Variants in ADGRV1 observed in about 807,000 individuals in gnomAD.
The protein encoded by ADGRV1 is G-protein coupled receptor 98.
ADGRV1 carries 359 observed loss-of-function variants against 596.2 expected under a neutral mutation model. The observed-to-expected ratio is 0.60, with a 90% confidence interval of 0.55 to 0.66. The LOEUF (loss-of-function observed/expected upper bound fraction) is 0.66, where lower values mean the gene tolerates loss of function less well. Ranked by LOEUF, ADGRV1 falls within the 30% of genes least tolerant of loss-of-function variation. The probability of loss-of-function intolerance (pLI) is 0.00; values close to 1 mark genes in which losing one functional copy is unlikely to be tolerated. For synonymous variants in ADGRV1, 2,681 were observed against 2,679.2 expected (o/e 1.00, Z -0.02); for missense variants, 7,274 against 7,575.6 (o/e 0.96, Z 1.48).
At chr5:91,088,681 A>T (rs1790106202) in intron 86 of ADGRV1, among the ~76,000 whole-genome samples, 2 of 152,168 alleles carry the variant, frequency 1.3e-5, no homozygotes, top group African/African-American at 4.8e-5. Flanking sequence ...CCTGGGGCAA[A>T]AAGAAGCTCT....
At chr5:91,133,096 T>C (rs1794345936) in intron 87 of ADGRV1, among the ~76,000 whole-genome samples, 2 of 152,218 alleles carry the variant, frequency 1.3e-5, no homozygotes, top group South Asian at 2.1e-4. Flanking sequence ...GAAGGTGTGA[T>C]ATCATGGTGT....
intron 84 of ADGRV1, among the ~76,000 whole-genome samples, chr5:90,970,078 T>C (rs532246557): frequency 6.6e-6 from 1 of 152,260 alleles, no homozygotes; most frequent in South Asian, 2.1e-4. Flanking sequence ...GGAGATTATA[T>C]CCCGTGCCTG....
intron 85 of ADGRV1, among the ~76,000 whole-genome samples, chr5:91,019,457 A>T (rs1174071362): frequency 6.6e-6 from 1 of 151,984 alleles, no homozygotes. Context: ...ATACTATTTG[A>T]TGAGTCTGTT....
rs373471492 is a variant in ADGRV1 at position 90,651,561 on chromosome 5, T to A, written c.3290-43T>A. 2.5e-5 allele frequency: 35 copies of A among 1,383,842 alleles called. No individual in the cohort carries two copies. The African/African-American group carries it at 4.8e-4, about 19-fold the overall frequency. 85.7% of individuals were successfully genotyped at this position (1,383,842 alleles called of 1,614,324 possible). A position where few individuals can be genotyped will look rare whatever the true frequency, so the allele number is the denominator to read the frequency against. ...TAAAAGTATAAATTTTACAGCAAGTTAGCTACTTCTTTGTTATTTTGTCTT... is the reference window on the plus strand; with the variant it reads ...TAAAAGTATAAATTTTACAGCAAGTAAGCTACTTCTTTGTTATTTTGTCTT... On this transcript the variant is annotated intron_variant, in intron 17 of 89. Coordinates refer to ENST00000405460, the MANE Select transcript of ADGRV1 (RefSeq NM_032119.4).
At chr5:90,732,140 A>G (rs1752631253) in intron 50 of ADGRV1, among the ~76,000 whole-genome samples, 1 of 152,158 alleles carries the variant, frequency 6.6e-6, no homozygotes, top group Non-Finnish European at 1.5e-5. Context: ...AGCTAGGACT[A>G]CAGGCATGCT....
chr5:91,143,490 G>A (rs1040477347), intron 87 of ADGRV1, among the ~76,000 whole-genome samples: 1 of 152,296 alleles, frequency 6.6e-6, no homozygotes, highest in African/African-American at 2.4e-5. Context: ...GCAGCTGGTC[G>A]TCCCTACGTC....
intron 83 of ADGRV1, among the ~76,000 whole-genome samples, chr5:90,926,627 G>C (rs1435820640): frequency 6.6e-6 from 1 of 151,360 alleles, no homozygotes; most frequent in Non-Finnish European, 1.5e-5. Flanking sequence ...TTGTGTCTCT[G>C]TTTCCTTCAG....
chr5:91,069,918 A>G (rs556485201), intron 85 of ADGRV1, among the ~76,000 whole-genome samples: 1 of 137,796 alleles, frequency 7.3e-6, no homozygotes, highest in African/African-American at 2.6e-5. Flanking sequence ...CATAGAATAC[A>G]ATGTAGCCAC....
chr5:91,097,536 G>A (rs1790979227), intron 86 of ADGRV1, among the ~76,000 whole-genome samples: 1 of 152,152 alleles, frequency 6.6e-6, no homozygotes, highest in African/African-American at 2.4e-5. Context: ...ATGAATATTG[G>A]TGTGCAAATA....
chr5:90,771,090 TCTCTTA>T (rs1757645917), intron 59 of ADGRV1, among the ~76,000 whole-genome samples: 1 of 152,204 alleles, frequency 6.6e-6, no homozygotes, highest in Non-Finnish European at 1.5e-5. Context: ...TGTTTATAGT[TCTCTTA>T]CATTTTTTAT....
intron 87 of ADGRV1, among the ~76,000 whole-genome samples, chr5:91,119,639 T>G (rs1033992709): frequency 6.6e-6 from 1 of 152,254 alleles, no homozygotes; most frequent in African/African-American, 2.4e-5. Flanking sequence ...AGAACTTTTC[T>G]TATCTTGACT....
intron 77 of ADGRV1, among the ~76,000 whole-genome samples, chr5:90,835,054 C>T (rs533303355): frequency 4.0e-5 from 6 of 151,504 alleles, no homozygotes; most frequent in Admixed American, 6.6e-5. Flanking sequence ...AATTGTTTTG[C>T]GATGTCATGT....
Position 91,091,984 on chromosome 5 carries a change from G to A in ADGRV1, c.18311-10235G>A, listed in dbSNP as rs1055214734. 3.9e-5 allele frequency among the ~76,000 whole-genome samples: 6 copies of A among 152,270 alleles called. No homozygotes were observed. In the South Asian group the frequency reaches 8.3e-4, roughly 21 times the overall value. The stretch of plus-strand genomic sequence containing the variant: ...AGATATCTGGGCTTCCTTTAACCCA[G>A]TCAAGTTGACCCATAAAAGTAACCA... On this transcript the variant is annotated intron_variant, in intron 86 of 89. Transcript: ENST00000405460.
At chr5:90,702,661 T>G (rs567530383) in intron 34 of ADGRV1, among the ~76,000 whole-genome samples, 1 of 151,948 alleles carries the variant, frequency 6.6e-6, no homozygotes, top group Admixed American at 6.5e-5. Context: ...TTCTACTTTT[T>G]AAAAAATGTT....
chr5:91,126,057 T>A (rs1212536560), intron 87 of ADGRV1, among the ~76,000 whole-genome samples: 6 of 152,228 alleles, frequency 3.9e-5, no homozygotes, highest in Admixed American at 2.0e-4. Flanking sequence ...TTGCATTCCA[T>A]ATTTTCACTC....
chr5:90,873,722 G>A (rs1458478953), intron 83 of ADGRV1, among the ~76,000 whole-genome samples: 1 of 151,970 alleles, frequency 6.6e-6, no homozygotes, highest in Middle Eastern at 3.2e-3. Context: ...TTGAGCCCAG[G>A]AGTTGGAGGC....
intron 21 of ADGRV1, among the ~76,000 whole-genome samples, chr5:90,669,451 C>T (rs888486051): frequency 4.6e-5 from 7 of 152,044 alleles, no homozygotes; most frequent in African/African-American, 1.7e-4. Context: ...AAACACTGCT[C>T]AAGGACTTGG....
chr5:91,058,768 CAAAGGG>C (rs1787135168), intron 85 of ADGRV1, among the ~76,000 whole-genome samples: 1 of 152,096 alleles, frequency 6.6e-6, no homozygotes, highest in Non-Finnish European at 1.5e-5. Context: ...GGAAAAGTAG[CAAAGGG>C]AAAGTTTTCC....
At chr5:91,053,715 T>A (rs937490036) in intron 85 of ADGRV1, among the ~76,000 whole-genome samples, 2 of 152,196 alleles carry the variant, frequency 1.3e-5, no homozygotes, top group Admixed American at 6.5e-5. Context: ...CTGCACATAA[T>A]AATTCACTCC....
Sources: gnomAD v4.1 joint callset for allele counts (sites outside exome capture counted in the v4.1 genomes callset) on GRCh38, gnomAD v4.1.1 for gene constraint, MANE v1.5 for transcripts, NCBI Gene and HGNC (gene_info 2026-07-23, HGNC 2026-07-21) for gene names.